The following PKIB variants were observed in gnomAD, a reference collection of about 807,000 sequenced individuals.
The protein encoded by PKIB is PKI-beta.
Under a neutral mutation model 4.5 loss-of-function variants are expected in PKIB, and 2 were observed. That is an observed-to-expected ratio of 0.44 (90% CI 0.18 to 1.39). The LOEUF is 1.39. PKIB is among the 40% of genes most tolerant of loss of function. PKIB has a pLI of 0.27. For synonymous variants in PKIB, 38 were observed against 36.0 expected (o/e 1.06, Z -0.20); for missense variants, 94 against 92.6 (o/e 1.02, Z -0.06).
At position 122,599,973 on chromosome 6, in the gene PKIB, A is replaced by ATATATC. The variant is rs72488702; in HGVS notation, c.-161+14019_-161+14024dup. The stretch of plus-strand genomic sequence containing the variant: ...ATTTTACAGGGACAGAACTAATAGG[A>ATATATC]TATATCTATATCTATATCTATATCT... On this transcript the variant is annotated intron_variant, in intron 3 of 6. Transcript: ENST00000392491. Among the ~76,000 whole-genome samples the ATATATC allele has an allele frequency of 7.8e-3, 1,139 of 146,928 alleles. 12 individuals are homozygous for ATATATC. The highest frequency in any genetic ancestry group is 0.025 in the African/African-American group (1,003 of 39,712).
intron 2 of PKIB, among the ~76,000 whole-genome samples, chr6:122,536,839 G>T (rs1777419557): frequency 6.8e-6 from 1 of 147,776 alleles, no homozygotes; most frequent in African/African-American, 2.5e-5. Flanking sequence ...GAAAATAAAG[G>T]CATCAAAGAA....
intron 2 of PKIB, among the ~76,000 whole-genome samples, chr6:122,496,191 G>C (rs551831804): frequency 7.2e-5 from 11 of 152,294 alleles, no homozygotes; most frequent in Non-Finnish European, 8.8e-5. Context: ...TGGCCTGTAG[G>C]TCAAACCACA....
At chr6:122,664,590 T>C (rs1777141651) in intron 2 of PKIB, among the ~76,000 whole-genome samples, 1 of 152,030 alleles carries the variant, frequency 6.6e-6, no homozygotes, top group African/African-American at 2.4e-5. Context: ...TTTTCTATTT[T>C]TTGTAGAGGT....
intron 2 of PKIB, among the ~76,000 whole-genome samples, chr6:122,650,318 G>A (rs1341650323): frequency 6.6e-6 from 1 of 152,044 alleles, no homozygotes; most frequent in African/African-American, 2.4e-5. Flanking sequence ...GTGGCATTGA[G>A]CTCTGCAATC....
chr6:122,717,335 G>A (rs1779539602), intron 3 of PKIB, among the ~76,000 whole-genome samples: 1 of 152,134 alleles, frequency 6.6e-6, no homozygotes, highest in Non-Finnish European at 1.5e-5. Flanking sequence ...CTAAGAAGTA[G>A]GAAAAGAGTG....
At chr6:122,712,625 A>T (rs1365773450) in intron 3 of PKIB, among the ~76,000 whole-genome samples, 1 of 152,028 alleles carries the variant, frequency 6.6e-6, no homozygotes, top group Non-Finnish European at 1.5e-5. Flanking sequence ...CTTCTTTGTT[A>T]TTTTGTGTTT....
At chr6:122,723,625 C>T (rs1334894224) in intron 4 of PKIB, among the ~76,000 whole-genome samples, 1 of 152,088 alleles carries the variant, frequency 6.6e-6, no homozygotes, top group Non-Finnish European at 1.5e-5. Flanking sequence ...TACCACTGTC[C>T]CGCTTGCAAA....
intron 2 of PKIB, among the ~76,000 whole-genome samples, chr6:122,488,545 C>G (rs1352622967): frequency 1.3e-5 from 2 of 152,054 alleles, no homozygotes; most frequent in Non-Finnish European, 1.5e-5. Context: ...GATTCTCCTG[C>G]CTCAGATTCC....
chr6:122,483,846 TTA>T (rs1700613247), intron 2 of PKIB: 1 of 152,222 alleles, frequency 6.6e-6, no homozygotes, highest in Non-Finnish European at 1.5e-5. Context: ...CTTTGTAAAT[TTA>T]TGTCCTGCTT....
intron 3 of PKIB, among the ~76,000 whole-genome samples, chr6:122,707,188 T>C (rs1204073820): frequency 6.6e-6 from 1 of 152,082 alleles, no homozygotes; most frequent in African/African-American, 2.4e-5. Context: ...TTGTTTGCCC[T>C]TTGGTTGGGA....
At chr6:122,651,074 C>G (rs1216554350) in intron 2 of PKIB, among the ~76,000 whole-genome samples, 2 of 152,114 alleles carry the variant, frequency 1.3e-5, no homozygotes, top group Non-Finnish European at 2.9e-5. Flanking sequence ...GTGGAAGGCC[C>G]TACACAAGCC....
chr6:122,548,976 G>C (rs1772586235), intron 2 of PKIB, among the ~76,000 whole-genome samples: 1 of 152,114 alleles, frequency 6.6e-6, no homozygotes, highest in African/African-American at 2.4e-5. Context: ...GCACTGTGGG[G>C]TTCTGATAAC....
intron 3 of PKIB, among the ~76,000 whole-genome samples, chr6:122,687,509 G>T (rs1030134228): frequency 1.3e-5 from 2 of 152,122 alleles, no homozygotes; most frequent in Non-Finnish European, 2.9e-5. Flanking sequence ...TGTGAAGAAT[G>T]TCATTGATAT....
At chr6:122,701,311 T>G in intron 3 of PKIB, 1 of 702,670 alleles carries the variant, frequency 1.4e-6, no homozygotes, top group South Asian at 1.8e-5. Flanking sequence ...AATGTCTGTA[T>G]TGCTGCTCCA....
intron 2 of PKIB, among the ~76,000 whole-genome samples, chr6:122,642,428 G>A (rs1191479023): frequency 3.3e-5 from 5 of 152,220 alleles, no homozygotes; most frequent in Non-Finnish European, 5.9e-5. Flanking sequence ...CTAAGATAAG[G>A]CATTCTTAGA....
chr6:122,671,060 G>A (rs186176427), intron 2 of PKIB, among the ~76,000 whole-genome samples: 86 of 152,224 alleles, frequency 5.6e-4, no homozygotes, highest in African/African-American at 1.9e-3. Context: ...TTGGGAGGCC[G>A]AGGTGGGCGG....
At chr6:122,607,451 A>T (rs1486989273), upstream of PKIB, among the ~76,000 whole-genome samples, 2 of 152,140 alleles carry the variant, frequency 1.3e-5, no homozygotes, top group East Asian at 3.9e-4. Context: ...CTGGGGGGCC[A>T]AGTCTGGAGT....
chr6:122,671,169 G>T (rs543034398), intron 2 of PKIB, among the ~76,000 whole-genome samples: 1 of 152,046 alleles, frequency 6.6e-6, no homozygotes, highest in African/African-American at 2.4e-5. Context: ...GTGGGCACCT[G>T]TAATCCCAGC....
chr6:122,528,141 A>T (rs992988216), intron 2 of PKIB, among the ~76,000 whole-genome samples: 15 of 152,292 alleles, frequency 9.8e-5, no homozygotes, highest in African/African-American at 3.6e-4. Context: ...TTAGTCTCTT[A>T]TAACAGTTTT....
Sources: allele counts gnomAD v4.1 joint callset (sites outside exome capture counted in the v4.1 genomes callset), GRCh38; gene constraint gnomAD v4.1.1; transcripts MANE v1.5; gene names NCBI Gene and HGNC (gene_info 2026-07-23, HGNC 2026-07-21).